The following SYNE1 variants were observed in gnomAD, a reference collection of about 807,000 sequenced individuals.
SYNE1 encodes the protein spectrin repeat containing nuclear envelope protein 1, also known as nesprin-1.
In SYNE1, 616 loss-of-function variants were observed where a neutral mutation model predicts 1,111.0. That is an observed-to-expected ratio of 0.55 (90% CI 0.52 to 0.59). SYNE1 has a LOEUF of 0.59. SYNE1 is among the 20% of genes least tolerant of loss of function. SYNE1 has a pLI of 0.00. For synonymous variants in SYNE1, 3,855 were observed against 3,825.8 expected (o/e 1.01, Z -0.28); for missense variants, 10,006 against 10,417.0 (o/e 0.96, Z 1.72).
chr6:152,597,042 T>C (rs762201630), intron 3 of SYNE1, among the ~76,000 whole-genome samples: 30 of 152,198 alleles, frequency 2.0e-4, no homozygotes, highest in Non-Finnish European at 3.4e-4. Flanking sequence ...TCTCCAATCA[T>C]AGGTATTTCT....
intron 3 of SYNE1, among the ~76,000 whole-genome samples, chr6:152,599,616 G>C (rs1040935241): frequency 5.3e-5 from 8 of 152,148 alleles, no homozygotes; most frequent in African/African-American, 1.9e-4. Flanking sequence ...AATTCCTTTG[G>C]TAAGAATCCC....
Position 152,483,158 on chromosome 6 carries a change from C to G in SYNE1, c.1277G>C (p.Arg426Thr). 6.2e-7 allele frequency: 1 copy of G among 1,614,210 alleles called. No individual in the cohort carries two copies. ...AWLYRAEVALREEITVQQVHE... is the reference protein window; with the variant it reads ...AWLYRAEVALTEEITVQQVHE... ...GACCTGTTGAACGGTTATTTCCTCT[C>G]TCAGGGCCACCTCCGCTCTGTACAG... The change falls in exon 14 of 146, where the codon AGA (arginine) becomes ACA (threonine). Residue 426 changes from arginine to threonine, a missense_variant. By Grantham distance (71) the Arg-to-Thr change is moderately conservative (BLOSUM62 -1). This residue lies in a region of SYNE1 where 1,971 missense variants were observed against 2,084.1 expected (regional missense o/e 0.95). Transcript: ENST00000367255.
intron 87 of SYNE1, among the ~76,000 whole-genome samples, chr6:152,314,059 T>C (rs572594519): frequency 2.6e-5 from 4 of 152,226 alleles, no homozygotes; most frequent in Non-Finnish European, 4.4e-5. Context: ...CTTCTCCTCC[T>C]AATCTCCAAA....
chr6:152,322,364 G>A (rs1472668550), intron 82 of SYNE1, among the ~76,000 whole-genome samples: 1 of 151,498 alleles, frequency 6.6e-6, no homozygotes, highest in Non-Finnish European at 1.5e-5. Context: ...ATTTTAAAAA[G>A]TGTTAGGTTA....
At chr6:152,160,234 C>T (rs1426489134) in intron 131 of SYNE1, among the ~76,000 whole-genome samples, 1 of 152,142 alleles carries the variant, frequency 6.6e-6, no homozygotes. Flanking sequence ...TCTCGATCTC[C>T]TGATAACTCA....
chr6:152,616,729 A>G (rs1249088065), intron 3 of SYNE1, among the ~76,000 whole-genome samples: 1 of 152,078 alleles, frequency 6.6e-6, no homozygotes, highest in Non-Finnish European at 1.5e-5. Flanking sequence ...CATTCTTCTT[A>G]TACTTTTCTA....
intron 130 of SYNE1, 63 bp from the exon 131 acceptor site, chr6:152,164,388 T>G: frequency 6.3e-7 from 1 of 1,589,010 alleles, no homozygotes; most frequent in Non-Finnish European, 8.6e-7. Flanking sequence ...TTCTCTAGCG[T>G]GCAGAGGAGA....
intron 122 of SYNE1, among the ~76,000 whole-genome samples, chr6:152,214,133 C>T (rs1244851104): frequency 2.0e-5 from 3 of 147,062 alleles, no homozygotes; most frequent in Non-Finnish European, 3.0e-5. Flanking sequence ...CCCAACATTG[C>T]AGTGAGCCGA....
chr6:152,561,982 C>T (rs572485733), intron 3 of SYNE1, among the ~76,000 whole-genome samples: 1 of 152,212 alleles, frequency 6.6e-6, no homozygotes, highest in African/African-American at 2.4e-5. Context: ...GGCAAAATAG[C>T]TTCTTGATAT....
intron 95 of SYNE1, among the ~76,000 whole-genome samples, chr6:152,287,703 C>T (rs1341667004): frequency 1.3e-5 from 2 of 152,142 alleles, no homozygotes; most frequent in African/African-American, 2.4e-5. Flanking sequence ...TGCACCACCA[C>T]ACCCAGCTAA....
chr6:152,314,924 CGAG>C (rs778398814), intron 87 of SYNE1, among the ~76,000 whole-genome samples: 58,648 of 127,038 alleles, frequency 0.46, 13,428 homozygotes, highest in Admixed American at 0.56. Flanking sequence ...GCAATGATGA[CGAG>C]GTTGCAGTGA....
chr6:152,280,701 T>C (rs947076948), intron 97 of SYNE1, among the ~76,000 whole-genome samples: 12 of 152,208 alleles, frequency 7.9e-5, no homozygotes, highest in Non-Finnish European at 1.5e-4. Context: ...AATGTTAGTT[T>C]GGGTGGTAAC....
chr6:152,360,375 C>T (rs538995912), intron 64 of SYNE1, among the ~76,000 whole-genome samples: 12 of 152,232 alleles, frequency 7.9e-5, no homozygotes, highest in South Asian at 2.1e-4. Flanking sequence ...TTATTCTATC[C>T]GGAATGCTGG....
intron 100 of SYNE1, among the ~76,000 whole-genome samples, chr6:152,264,972 G>A (rs1342620673): frequency 6.6e-6 from 1 of 152,090 alleles, no homozygotes; most frequent in Non-Finnish European, 1.5e-5. Flanking sequence ...CATTTTGGGA[G>A]GCCAAGGTGG....
intron 116 of SYNE1, among the ~76,000 whole-genome samples, chr6:152,224,941 GTATACACATATATATGTGTATATATA>G: frequency 6.9e-6 from 1 of 144,496 alleles, no homozygotes; most frequent in East Asian, 2.0e-4. Flanking sequence ...ATATACATAT[GTATACACATATATATGTGTATATATA>G]TATACATATA....
chr6:152,294,934 A>G (rs1051661353), intron 93 of SYNE1, among the ~76,000 whole-genome samples: 1 of 152,186 alleles, frequency 6.6e-6, no homozygotes, highest in African/African-American at 2.4e-5. Context: ...AGTAATTGCT[A>G]TTATAAAGTT....
intron 111 of SYNE1, among the ~76,000 whole-genome samples, chr6:152,234,316 G>A (rs1252468383): frequency 6.6e-6 from 1 of 151,946 alleles, no homozygotes; most frequent in Admixed American, 6.6e-5. Context: ...CTTTTTAGAT[G>A]GAGTCGCTCG....
At chr6:152,363,392 G>A (rs2096978781) in intron 63 of SYNE1, among the ~76,000 whole-genome samples, 1 of 150,344 alleles carries the variant, frequency 6.7e-6, no homozygotes, top group African/African-American at 2.4e-5. Context: ...TACTCGAGAG[G>A]CTGAGGCAGG....
intron 19 of SYNE1, 104 bp downstream of exon 19, chr6:152,463,249 C>A: frequency 6.6e-7 from 1 of 1,521,162 alleles, no homozygotes; most frequent in African/African-American, 1.4e-5. Context: ...CTATGCTTTG[C>A]CTTAATAAAC....
Sources: allele counts gnomAD v4.1 joint callset (sites outside exome capture counted in the v4.1 genomes callset), GRCh38; gene constraint gnomAD v4.1.1; regional missense constraint gnomAD v4.1.1; transcripts MANE v1.5; gene names NCBI Gene and HGNC (gene_info 2026-07-23, HGNC 2026-07-21).